ZNF416: variants seen among roughly 807,000 people sequenced by gnomAD.
ZNF416 encodes the protein zinc finger protein 416.
Under a neutral mutation model 10.9 loss-of-function variants are expected in ZNF416, and 5 were observed. The ratio of observed to expected loss-of-function variants is 0.46; its 90% CI spans 0.24 to 0.97. ZNF416 has a LOEUF of 0.97. ZNF416 is among the 50% of genes least tolerant of loss of function. The pLI is 0.19. For synonymous variants in ZNF416, 267 were observed against 251.8 expected (o/e 1.06, Z -0.57); for missense variants, 675 against 715.0 (o/e 0.94, Z 0.64).
Position 57,572,801 on chromosome 19 carries a change from G to A in ZNF416, c.1103C>T (p.Thr368Ile). The A allele has an allele frequency of 6.2e-7, 1 of 1,614,066 alleles. No homozygotes were observed. The highest frequency in any genetic ancestry group is 8.5e-7 in the Non-Finnish European group (1 of 1,180,016). ...ECGKAFGSKS[T>I]LVRHQRTHTG... ...GTGAGTTCTCTGGTGTCGAACAAGA[G>A]TGGATTTGGACCCAAAGGCTTTTCC... The change falls in exon 4 of 4, where the codon ACT becomes ATT. Residue 368 changes from threonine (T) to isoleucine (I), a missense_variant. Transcript: ENST00000196489. This position sits in a 1 kb window ranked among gnomAD's most constrained non-coding sequence, Gnocchi z 4.5.
At position 57,575,979 on chromosome 19, in the gene ZNF416, C is replaced by T. The variant is rs778409780; in HGVS notation, c.76-49G>A. On this transcript the variant is annotated intron_variant, in intron 2 of 3. Coordinates refer to ENST00000196489, the MANE Select transcript of ZNF416 (RefSeq NM_017879.3). This position sits in a 1 kb window ranked among gnomAD's most constrained non-coding sequence, Gnocchi z 4.4. Reference sequence around the variant, plus strand: ...TCCATGATCAGATTCTCTCCTAGGACCCCAAGTTCATGCCCCCCACACATC... The same window carrying T: ...TCCATGATCAGATTCTCTCCTAGGATCCCAAGTTCATGCCCCCCACACATC... 6.3e-7 allele frequency: 1 copy of T among 1,590,552 alleles called. No homozygotes were observed. The highest frequency in any genetic ancestry group is 8.6e-7 in the Non-Finnish European group (1 of 1,166,502).
chr19:57,572,300 G>A lies in ZNF416; in HGVS notation c.1604C>T (p.Ser535Phe). 6.2e-7 allele frequency: 1 copy of A among 1,614,100 alleles called. No individual in the cohort carries two copies. Among genetic ancestry groups the A allele is most frequent in the Non-Finnish European group, 8.5e-7 (1 of 1,180,014 alleles). Residue 535 changes from serine to phenylalanine, a missense_variant, in exon 4 of 4, where the codon TCT becomes TTT. Coordinates refer to ENST00000196489, the MANE Select transcript of ZNF416 (RefSeq NM_017879.3). This position sits in a 1 kb window ranked among gnomAD's most constrained non-coding sequence, Gnocchi z 4.5. ...GQCGKSFIQK[S>F]SLIQHQVVHT... ...AACCACTTGGTGTTGAATGAGGCTA[G>A]ACTTTTGGATAAAGGATTTCCCGCA...
intron 3 of ZNF416, among the ~76,000 whole-genome samples, chr19:57,574,580 G>A (rs931975079): frequency 1.3e-5 from 2 of 152,152 alleles, no homozygotes; most frequent in African/African-American, 4.8e-5. Flanking sequence ...ATACATCAAG[G>A]AATGAATTCA....
At position 57,572,532 on chromosome 19, in the gene ZNF416, T is replaced by C; in HGVS notation, c.1372A>G (p.Lys458Glu). Residue 458 changes from lysine to glutamate, a missense_variant, in exon 4 of 4, where the codon AAA (lysine) becomes GAA (glutamate). Lys to Glu is a moderately conservative substitution (Grantham distance 56). Transcript: ENST00000196489. The surrounding 1 kb of genome is among the most constrained non-coding windows in gnomAD (Gnocchi z 4.5). ...SQRTTLNKHHKVHTAERPYVC... is the reference protein window; with the variant it reads ...SQRTTLNKHHEVHTAERPYVC... ...TAAGGCCTTTCTGCAGTGTGAACTT[T>C]GTGGTGTTTATTGAGGGTGGTTCTT... The C allele has an allele frequency of 6.2e-7, 1 of 1,614,142 alleles. No homozygotes were observed. Among genetic ancestry groups the C allele is most frequent in the South Asian group, 1.1e-5 (1 of 91,084 alleles).
chr19:57,572,707 TACA>T lies in ZNF416; in HGVS notation c.1194_1196del (p.Val399del), dbSNP rs1191063920. The T allele has an allele frequency of 1.2e-6, 2 of 1,613,664 alleles. No individual in the cohort carries two copies. The highest frequency in any genetic ancestry group is 1.3e-5 in the African/African-American group (1 of 74,858). On this transcript the variant is annotated inframe_deletion, in exon 4 of 4. Transcript: ENST00000196489. The surrounding 1 kb of genome is among the most constrained non-coding windows in gnomAD (Gnocchi z 4.5). ...TTGCTGTAGTGTGAATTCTCTGGTG[TACA>T]ACAAGGCTGAAGCTTTGTCTGAATA...
chr19:57,578,688 A>G lies in ZNF416; in HGVS notation c.17T>C (p.Leu6Pro). The change falls in exon 1 of 4, where the codon CTT becomes CCT. Residue 6 changes from leucine to proline, a missense_variant. Coordinates refer to ENST00000196489, the MANE Select transcript of ZNF416 (RefSeq NM_017879.3). ...AGCACTCACCGAAGTCGAATCCCTA[A>G]GCACGGCCGCCGCCATCGGATTGTG... MAAAV[L>P]RDSTSVPVTA... 1 of 1,552,868 alleles carries G rather than the reference A, an allele frequency of 6.4e-7. No individual in the cohort carries two copies. Among genetic ancestry groups the G allele is most frequent in the East Asian group, 2.5e-5 (1 of 39,966 alleles).
At position 57,573,292 on chromosome 19, in the gene ZNF416, A is replaced by G. The variant is rs1978387695; in HGVS notation, c.612T>C (p.Cys204=). The G allele has an allele frequency of 6.2e-7, 1 of 1,614,060 alleles. No homozygotes were observed. The highest frequency in any genetic ancestry group is 8.5e-7 in the Non-Finnish European group (1 of 1,180,032). The change falls in exon 4 of 4, where the codon TGT becomes TGC. Residue 204 remains cysteine (C), a synonymous_variant. Coordinates refer to ENST00000196489, the MANE Select transcript of ZNF416 (RefSeq NM_017879.3). Reference sequence around the variant, plus strand: ...TTATTCCAACATGAAAGGCCTCCTCACATTTGCTGATTTTGTTTGGCTTCT... The same window carrying G: ...TTATTCCAACATGAAAGGCCTCCTCGCATTTGCTGATTTTGTTTGGCTTCT... ...NYEKPNKISK[C]EEAFHVGISH... is the part of the protein sequence containing the mutation.
intron 2 of ZNF416, among the ~76,000 whole-genome samples, chr19:57,577,019 C>G (rs954334144): frequency 6.6e-6 from 1 of 151,960 alleles, no homozygotes; most frequent in Non-Finnish European, 1.5e-5. Flanking sequence ...AGCAGGAGAG[C>G]CAGTAGTGAC....
Position 57,575,666 on chromosome 19 carries a change from T to G in ZNF416, c.202+138A>C. 8.3e-7 allele frequency: 1 copy of G among 1,203,198 alleles called. No individual in the cohort carries two copies. Among genetic ancestry groups the G allele is most frequent in the Non-Finnish European group, 1.2e-6 (1 of 824,100 alleles). The allele number at this position is 1,203,198 out of a possible 1,614,324, so 74.5% of individuals were successfully genotyped here. A position where few individuals can be genotyped will look rare whatever the true frequency, so the allele number is the denominator to read the frequency against. Reference sequence around the variant, plus strand: ...TGTCAGGGCTGATTAAGGAGTGCAATGATTTCATTCCTTACACCACAGCAC... The same window carrying G: ...TGTCAGGGCTGATTAAGGAGTGCAAGGATTTCATTCCTTACACCACAGCAC... On this transcript the variant is annotated intron_variant, in intron 3 of 3. Coordinates refer to ENST00000196489, the MANE Select transcript of ZNF416 (RefSeq NM_017879.3). This position sits in a 1 kb window ranked among gnomAD's most constrained non-coding sequence, Gnocchi z 4.4.
chr19:57,574,742 C>T (rs1435785135), intron 3 of ZNF416, among the ~76,000 whole-genome samples: 1 of 152,166 alleles, frequency 6.6e-6, no homozygotes, highest in African/African-American at 2.4e-5. Flanking sequence ...GAGGCAGGGT[C>T]TCCAATCTAT....
chr19:57,576,755 T>A (rs912839419), intron 2 of ZNF416, among the ~76,000 whole-genome samples: 1 of 151,986 alleles, frequency 6.6e-6, no homozygotes, highest in Non-Finnish European at 1.5e-5. Context: ...CCTCAACTTA[T>A]CCACCTCCCT....
Position 57,578,861 on chromosome 19 carries a change from C to G in ZNF416, c.-157G>C. ...CGTTTCTAACTCAGGCGGCGTGGGC[C>G]GAGGTAGAGAACCACCAAAATTACC... On this transcript the variant is annotated 5_prime_UTR_variant, in exon 1 of 4. Transcript: ENST00000196489. 3 of 678,520 alleles carry G rather than the reference C, an allele frequency of 4.4e-6. No individual in the cohort carries two copies. The highest frequency in any genetic ancestry group is 6.6e-6 in the Non-Finnish European group (3 of 454,034). The allele number at this position is 678,520 out of a possible 1,614,324, so 42.0% of individuals were successfully genotyped here. A position where few individuals can be genotyped will look rare whatever the true frequency, so the allele number is the denominator to read the frequency against.
rs144609015 is a variant in ZNF416, at chr19:57,573,636, G to C, written c.268C>G (p.Gln90Glu). ...EQSVSVEGVPQVRTPEASPST... is the reference protein window; with the variant it reads ...EQSVSVEGVPEVRTPEASPST... ...GGACTGGCCTCTGGAGTCCTGACCT[G>C]AGGTACTCCTTCTACAGAAACACTT... is the stretch of plus-strand genomic sequence containing the variant. Residue 90 changes from glutamine (Q) to glutamate (E), a missense_variant, in exon 4 of 4, where the codon CAG becomes GAG. Gln to Glu is a conservative substitution (Grantham distance 29). Transcript: ENST00000196489. 5.0e-6 allele frequency: 8 copies of C among 1,614,104 alleles called. No individual in the cohort carries two copies. The African/African-American group carries it at 1.1e-4, about 22-fold the overall frequency.
intron 3 of ZNF416, 21 bp from the exon 4 acceptor site, chr19:57,573,722 ATGAAATGCACGT>A: frequency 6.3e-7 from 1 of 1,598,312 alleles, no homozygotes; most frequent in Non-Finnish European, 8.5e-7. Flanking sequence ...AGAAACACTG[ATGAAATGCACGT>A]TGACTATGAT....
At chr19:57,578,538 G>A in intron 1 of ZNF416, 134 bp downstream of exon 1, 7 of 1,014,644 alleles carry the variant, frequency 6.9e-6, no homozygotes, top group East Asian at 3.0e-5. Context: ...TTGTAAATGG[G>A]AGCCCCACCC....
rs762122403 is a variant in ZNF416 at position 57,572,644 on chromosome 19, G to A, written c.1260C>T (p.Ser420=). Reference sequence around the variant, plus strand: ...GGTGCTGAATGAGGCCACACTTTAGGCTAAATGATTTCCCACACTGGCCAC... The same window carrying A: ...GGTGCTGAATGAGGCCACACTTTAGACTAAATGATTTCCCACACTGGCCAC... ...YECGQCGKSF[S]LKCGLIQHQL... Residue 420 remains serine (S), a synonymous_variant, in exon 4 of 4, where the codon AGC becomes AGT. Coordinates refer to ENST00000196489, the MANE Select transcript of ZNF416 (RefSeq NM_017879.3). This position sits in a 1 kb window ranked among gnomAD's most constrained non-coding sequence, Gnocchi z 4.5. 9.3e-6 allele frequency: 15 copies of A among 1,613,938 alleles called. No individual in the cohort carries two copies. The highest frequency in any genetic ancestry group is 1.1e-5 in the Non-Finnish European group (13 of 1,180,032).
chr19:57,573,939 G>A (rs1457297812), intron 3 of ZNF416, among the ~76,000 whole-genome samples: 1 of 152,106 alleles, frequency 6.6e-6, no homozygotes. Context: ...CACAAGAATT[G>A]CTTGAATCCG....
Position 57,578,726 on chromosome 19 carries a change from C to T in ZNF416, c.-22G>A. On this transcript the variant is annotated 5_prime_UTR_variant, in exon 1 of 4. Transcript: ENST00000196489. Reference sequence around the variant, plus strand: ...CCATCGGATTGTGAGCGGAGCGGGGCCGGGAGCGGCGGGCGACCCGGGGCG... The same window carrying T: ...CCATCGGATTGTGAGCGGAGCGGGGTCGGGAGCGGCGGGCGACCCGGGGCG... 1 of 1,478,366 alleles carries T rather than the reference C, an allele frequency of 6.8e-7. No individual in the cohort carries two copies. Among genetic ancestry groups the T allele is most frequent in the Non-Finnish European group, 9.0e-7 (1 of 1,111,152 alleles). 91.6% of individuals were successfully genotyped at this position (1,478,366 alleles called of 1,614,324 possible). A position where few individuals can be genotyped will look rare whatever the true frequency, so the allele number is the denominator to read the frequency against.
chr19:57,576,875 G>C (rs931019031), intron 2 of ZNF416, among the ~76,000 whole-genome samples: 3 of 152,024 alleles, frequency 2.0e-5, no homozygotes, highest in African/African-American at 7.2e-5. Flanking sequence ...TTACTTCCAA[G>C]CATTGATCTC....
Sources: allele counts gnomAD v4.1 joint callset (sites outside exome capture counted in the v4.1 genomes callset), GRCh38; gene constraint gnomAD v4.1.1; non-coding constraint Gnocchi (gnomAD v3.1); transcripts MANE v1.5; gene names NCBI Gene and HGNC (gene_info 2026-07-23, HGNC 2026-07-21).